Variants in FRMPD4 observed in about 807,000 individuals in gnomAD.
The protein encoded by FRMPD4 is FERM and PDZ domain containing 4.
FRMPD4 carries 22 observed loss-of-function variants against 94.1 expected under a neutral mutation model. The ratio of observed to expected loss-of-function variants is 0.23; its 90% CI spans 0.17 to 0.33. FRMPD4 has a LOEUF of 0.33. Ranked by LOEUF, FRMPD4 falls within the 10% of genes least tolerant of loss-of-function variation. FRMPD4 has a pLI of 1.00. For missense variants in FRMPD4, 1,111 were observed against 1,339.9 expected (o/e 0.83, Z 2.67); for synonymous variants, 631 against 548.6 (o/e 1.15, Z -2.10).
At chrX:12,176,254 T>C (rs1163678585) in intron 1 of FRMPD4, among the ~76,000 whole-genome samples, 4 of 111,924 alleles carry the variant, frequency 3.6e-5, no homozygotes, top group Non-Finnish European at 7.5e-5. Flanking sequence ...GTGATTGCAA[T>C]GTGGAGCAAA....
chrX:12,268,962 T>C (rs1009612611), intron 1 of FRMPD4, among the ~76,000 whole-genome samples: 1 of 112,551 alleles, frequency 8.9e-6, no homozygotes, highest in Non-Finnish European at 1.9e-5. Flanking sequence ...TATGAAAAGA[T>C]TCTAAATGTC....
In FRMPD4 at chrX:12,348,613, G is replaced by A. The variant is rs776460205; in HGVS notation, c.42-150067G>A. Among the ~76,000 whole-genome samples the A allele has an allele frequency of 3.7e-5, 4 of 106,844 alleles. No individual in the cohort carries two copies. In the South Asian group the frequency reaches 1.6e-3, roughly 42 times the overall value. 92.8% of individuals were successfully genotyped at this position (106,844 alleles called of 115,157 possible). The stretch of plus-strand genomic sequence containing the variant: ...GGAAAAAAAAAAAAAAAAAAAAGTG[G>A]ACCTTGACTAAGCCTTCACTGTCCA... On this transcript the variant is annotated intron_variant, in intron 1 of 16. Transcript: ENST00000675598.
chrX:11,846,688 G>C (rs2053578699), intron 1 of FRMPD4, among the ~76,000 whole-genome samples: 1 of 107,924 alleles, frequency 9.3e-6, no homozygotes, highest in South Asian at 4.1e-4. Flanking sequence ...CAGAGATATA[G>C]ATCAATGGAA....
At chrX:11,890,633 A>T (rs1465775110) in intron 3 of FRMPD4, among the ~76,000 whole-genome samples, 1 of 112,529 alleles carries the variant, frequency 8.9e-6, no homozygotes, top group Admixed American at 9.4e-5. Context: ...TCTTCATTTT[A>T]CAAAAGAGGA....
intron 1 of FRMPD4, among the ~76,000 whole-genome samples, chrX:12,269,361 A>AG (rs1236764415): frequency 9.1e-6 from 1 of 110,344 alleles, no homozygotes; most frequent in Non-Finnish European, 1.9e-5. Flanking sequence ...ATAAAAAAAA[A>AG]AATCTTCCTG....
intron 3 of FRMPD4, among the ~76,000 whole-genome samples, chrX:12,611,312 G>A (rs2059180992): frequency 8.9e-6 from 1 of 112,172 alleles, no homozygotes; most frequent in African/African-American, 3.2e-5. Flanking sequence ...TCAGTAACAG[G>A]ATTCAGCAGT....
chrX:12,661,472 A>G (rs1423517319), intron 4 of FRMPD4, among the ~76,000 whole-genome samples: 8 of 111,065 alleles, frequency 7.2e-5, no homozygotes, highest in African/African-American at 2.6e-4. Context: ...GGGCAAGTGG[A>G]CTCTTTAATT....
intron 3 of FRMPD4, among the ~76,000 whole-genome samples, chrX:12,026,528 A>T (rs1332279899): frequency 4.4e-5 from 5 of 112,505 alleles, no homozygotes; most frequent in African/African-American, 1.3e-4. Context: ...AGGAAATGAT[A>T]TTGAGGATCT....
intron 1 of FRMPD4, among the ~76,000 whole-genome samples, chrX:12,193,824 A>G (rs2056529839): frequency 2.2e-5 from 1 of 44,547 alleles, no homozygotes; most frequent in African/African-American, 8.2e-5. Flanking sequence ...GGAAGGAAGG[A>G]AGGAGGGAAG....
intron 1 of FRMPD4, among the ~76,000 whole-genome samples, chrX:11,863,664 A>C (rs936840606): frequency 1.8e-5 from 2 of 112,506 alleles, no homozygotes; most frequent in African/African-American, 6.5e-5. Flanking sequence ...ACACTAGTTA[A>C]TTCAATATAA....
intron 1 of FRMPD4, among the ~76,000 whole-genome samples, chrX:12,183,236 T>C (rs2056383596): frequency 2.7e-5 from 3 of 111,548 alleles, no homozygotes; most frequent in Non-Finnish European, 5.7e-5. Context: ...ACCAAGACAC[T>C]AGAATAGAAA....
intron 4 of FRMPD4, among the ~76,000 whole-genome samples, chrX:12,661,154 A>T (rs1018493559): frequency 2.7e-5 from 3 of 112,199 alleles, no homozygotes; most frequent in African/African-American, 9.7e-5. Context: ...GAGTCACAAG[A>T]TTAGTCCAGA....
intron 1 of FRMPD4, among the ~76,000 whole-genome samples, chrX:12,175,845 A>T (rs902371226): frequency 1.8e-5 from 2 of 111,644 alleles, no homozygotes; most frequent in African/African-American, 6.5e-5. Context: ...CCTTCAAGTG[A>T]TTCTGTTGAG....
intron 1 of FRMPD4, among the ~76,000 whole-genome samples, chrX:12,249,364 T>G (rs2054001568): frequency 9.0e-6 from 1 of 111,285 alleles, no homozygotes; most frequent in African/African-American, 3.3e-5. Flanking sequence ...GAAAAGGTGG[T>G]GTTAATGTCA....
At chrX:12,040,960 T>A (rs2054751626) in intron 3 of FRMPD4, among the ~76,000 whole-genome samples, 1 of 111,265 alleles carries the variant, frequency 9.0e-6, no homozygotes, top group Non-Finnish European at 1.9e-5. Context: ...TTAAAAAAAA[T>A]TTCCCCATTG....
chrX:12,711,181 G>A (rs1427388837), intron 14 of FRMPD4, among the ~76,000 whole-genome samples: 1 of 111,554 alleles, frequency 9.0e-6, no homozygotes, highest in Non-Finnish European at 1.9e-5. Context: ...ACTAATGATG[G>A]AATGCCCGAA....
intron 3 of FRMPD4, among the ~76,000 whole-genome samples, chrX:12,113,775 C>T (rs1423764444): frequency 8.9e-6 from 1 of 112,071 alleles, no homozygotes; most frequent in Non-Finnish European, 1.9e-5. Context: ...ATTATTCTGC[C>T]TACCACAATG....
intron 1 of FRMPD4, among the ~76,000 whole-genome samples, chrX:12,264,638 G>T (rs1187932629): frequency 8.9e-6 from 1 of 112,410 alleles, no homozygotes; most frequent in Non-Finnish European, 1.9e-5. Flanking sequence ...ACAAGACTTT[G>T]ATGAGTTTGT....
chrX:12,544,445 C>T (rs1347841444), intron 2 of FRMPD4, among the ~76,000 whole-genome samples: 9 of 111,525 alleles, frequency 8.1e-5, no homozygotes, highest in Non-Finnish European at 1.5e-4. Context: ...TGTGCAGATG[C>T]CTTAACCAGG....
Sources: allele counts gnomAD v4.1 joint callset (sites outside exome capture counted in the v4.1 genomes callset), GRCh38; gene constraint gnomAD v4.1.1; transcripts MANE v1.5; gene names NCBI Gene and HGNC (gene_info 2026-07-23, HGNC 2026-07-21).